USP10: variants seen among roughly 807,000 people sequenced by gnomAD.
The protein encoded by USP10 is ubiquitin specific peptidase 10.
In USP10, 22 loss-of-function variants were observed where a neutral mutation model predicts 84.5. The observed-to-expected ratio is 0.26, with a 90% CI of 0.19 to 0.37. The LOEUF (loss-of-function observed/expected upper bound fraction) is 0.37, where lower values mean the gene tolerates loss of function less well. Among genes scored for constraint, USP10 ranks in the 10% least tolerant of loss-of-function variants. USP10 has a pLI of 1.00. For missense variants in USP10, 1,019 were observed against 998.9 expected, an observed-to-expected ratio of 1.02 and a Z score of -0.27; for synonymous variants, 454 against 387.6, an observed-to-expected ratio of 1.17 and a Z score of -2.01.
At position 84,757,395 on chromosome 16, in the gene USP10, GGGT is replaced by G. The variant is rs201884056; in HGVS notation, c.1193-1318_1193-1316del. Among the ~76,000 whole-genome samples, 272 of 82,594 alleles carry G rather than the reference GGGT, an allele frequency of 3.3e-3. No homozygotes were observed. The East Asian group carries it at 0.034, about 10-fold the overall frequency. The allele number at this position is 82,594 out of a possible 152,430, so 54.2% of individuals were successfully genotyped here. A position where few individuals can be genotyped will look rare whatever the true frequency, so the allele number is the denominator to read the frequency against. On this transcript the variant is annotated intron_variant, in intron 4 of 13. Transcript: ENST00000219473. The stretch of plus-strand genomic sequence containing the variant: ...ATTCATAGGAAGGAGGGAATGAGAG[GGGT>G]GGGGGTGTGTGTGTGTGTGTGTGTG...
chr16:84,720,320 C>G (rs1284847628), intron 1 of USP10, among the ~76,000 whole-genome samples: 2 of 152,174 alleles, frequency 1.3e-5, no homozygotes, highest in Non-Finnish European at 2.9e-5. Context: ...AGTGAAAAAT[C>G]CTGTAGAACA....
At chr16:84,730,976 CTTTTTTTTTT>C (rs11401851) in intron 1 of USP10, among the ~76,000 whole-genome samples, 13 of 105,054 alleles carry the variant, frequency 1.2e-4, no homozygotes, top group African/African-American at 4.2e-4. Context: ...GCATTTCTAC[CTTTTTTTTTT>C]TTTTTTTTTT....
At chr16:84,737,411 C>G (rs1910076985) in intron 2 of USP10, among the ~76,000 whole-genome samples, 2 of 152,190 alleles carry the variant, frequency 1.3e-5, no homozygotes, top group African/African-American at 4.8e-5. Context: ...CATCCTGGCA[C>G]TTTTATTCTG....
rs759233603 is a variant in USP10, at chr16:84,760,195, G to A, written c.1474G>A (p.Asp492Asn). The change falls in exon 8 of 14, where the codon GAT (aspartate) becomes AAT (asparagine). Residue 492 changes from aspartate (D) to asparagine (N), a missense_variant. Physicochemically the swap from Asp to Asn is conservative, Grantham distance 23. Transcript: ENST00000219473. Reference sequence around the variant, plus strand: ...AGCTCTTGGAGATAAAATCGTGAGGGATATTCGCCCTGGAGCTGCCTTTGA... The same window carrying A: ...AGCTCTTGGAGATAAAATCGTGAGGAATATTCGCCCTGGAGCTGCCTTTGA... ...RQALGDKIVR[D>N]IRPGAAFEPT... The A allele has an allele frequency of 2.5e-6, 4 of 1,609,800 alleles. No individual in the cohort carries two copies. In the South Asian group the frequency reaches 4.4e-5, roughly 18 times the overall value.
chr16:84,713,176 A>G (rs560377725), intron 1 of USP10, among the ~76,000 whole-genome samples: 3 of 152,228 alleles, frequency 2.0e-5, no homozygotes, highest in South Asian at 4.2e-4. Flanking sequence ...ATCTCAGCCA[A>G]TGCCACCATT....
chr16:84,735,198 TGTGTGTG>T (rs1909751218), intron 2 of USP10, among the ~76,000 whole-genome samples: 1 of 28,226 alleles, frequency 3.5e-5, no homozygotes, highest in African/African-American at 1.3e-4. Flanking sequence ...GCCCGGGTGG[TGTGTGTG>T]TGTGTGTGTG....
At chr16:84,703,968 A>G (rs1439596144) in intron 1 of USP10, among the ~76,000 whole-genome samples, 1 of 152,224 alleles carries the variant, frequency 6.6e-6, no homozygotes, top group Non-Finnish European at 1.5e-5. Context: ...CGTGGAACTG[A>G]TAGGATTTAA....
intron 1 of USP10, among the ~76,000 whole-genome samples, chr16:84,720,805 A>G (rs994705730): frequency 6.7e-6 from 1 of 149,348 alleles, no homozygotes; most frequent in South Asian, 2.1e-4. Flanking sequence ...GATGGTCTCG[A>G]TCTCCTGACC....
chr16:84,730,489 TTAAG>T (rs1018797684), intron 1 of USP10, among the ~76,000 whole-genome samples: 52 of 152,194 alleles, frequency 3.4e-4, no homozygotes, highest in African/African-American at 1.2e-3. Context: ...TTAAAAATAA[TTAAG>T]TAAAACTAAT....
intron 10 of USP10, among the ~76,000 whole-genome samples, chr16:84,766,958 C>T (rs946599122): frequency 1.3e-5 from 2 of 152,072 alleles, no homozygotes; most frequent in Non-Finnish European, 1.5e-5. Context: ...CTTTCTTCCC[C>T]GGTGCCACCT....
chr16:84,768,128 T>C lies in USP10; in HGVS notation c.1833-65T>C, dbSNP rs1030388153. ...TATTTTCAGTGTTTATTCCCTTGGT[T>C]AATCTTAAGGGAAAGTGGCAAGGAG... On this transcript the variant is annotated intron_variant, in intron 10 of 13. Coordinates refer to ENST00000219473, the MANE Select transcript of USP10 (RefSeq NM_005153.3). 47 of 1,465,804 alleles carry C rather than the reference T, an allele frequency of 3.2e-5. No individual in the cohort carries two copies. In the African/African-American group the frequency reaches 5.9e-4, roughly 19 times the overall value. The allele number at this position is 1,465,804 out of a possible 1,614,324, so 90.8% of individuals were successfully genotyped here. A position where few individuals can be genotyped will look rare whatever the true frequency, so the allele number is the denominator to read the frequency against.
chr16:84,734,555 G>C (rs1909649322), intron 2 of USP10, among the ~76,000 whole-genome samples: 1 of 152,182 alleles, frequency 6.6e-6, no homozygotes, highest in Non-Finnish European at 1.5e-5. Flanking sequence ...AGGGCTTTAA[G>C]CTTCACATGT....
At chr16:84,732,963 T>C (rs1205721336) in intron 1 of USP10, 3 of 407,178 alleles carry the variant, frequency 7.4e-6, no homozygotes, top group African/African-American at 6.3e-5. Context: ...TATAGATATT[T>C]TTAAAGATCA....
Position 84,720,174 on chromosome 16 carries a change from A to G in USP10, c.22-13261A>G, listed in dbSNP as rs1230765526. Among the ~76,000 whole-genome samples the G allele has an allele frequency of 2.0e-5, 3 of 152,288 alleles. No homozygotes were observed. The East Asian group carries it at 5.8e-4, about 29-fold the overall frequency. On this transcript the variant is annotated intron_variant, in intron 1 of 13. Transcript: ENST00000219473. ...ACAGTGGCCAGCAAATCAGAGGAAA[A>G]TCATTTCTGTAGCTAGGTTCTTTTT... is the stretch of plus-strand genomic sequence containing the variant.
At chr16:84,731,283 CT>C (rs531027465) in intron 1 of USP10, among the ~76,000 whole-genome samples, 542 of 142,398 alleles carry the variant, frequency 3.8e-3, no homozygotes, top group East Asian at 9.5e-3. Flanking sequence ...CCGGCCTCTA[CT>C]TTTTTTTTTT....
intron 1 of USP10, among the ~76,000 whole-genome samples, chr16:84,714,893 A>G (rs2150768348): frequency 6.6e-6 from 1 of 151,060 alleles, no homozygotes; most frequent in African/African-American, 2.4e-5. Flanking sequence ...GAAATGTTTG[A>G]AAAATATTTA....
At chr16:84,774,655 A>G (rs1283414982) in intron 12 of USP10, among the ~76,000 whole-genome samples, 1 of 151,992 alleles carries the variant, frequency 6.6e-6, no homozygotes, top group Non-Finnish European at 1.5e-5. Flanking sequence ...TATTTTTAAT[A>G]GAGACGTGGT....
intron 1 of USP10, among the ~76,000 whole-genome samples, chr16:84,718,847 C>G (rs1275001638): frequency 6.6e-6 from 1 of 151,842 alleles, no homozygotes; most frequent in Non-Finnish European, 1.5e-5. Context: ...GGCTGGAGTG[C>G]AGTGGTGCAG....
chr16:84,763,559 CTG>C (rs1287625099), intron 9 of USP10, among the ~76,000 whole-genome samples: 1 of 152,226 alleles, frequency 6.6e-6, no homozygotes, highest in East Asian at 1.9e-4. Context: ...CCTTATCTAA[CTG>C]AGAAAAACAA....
Sources: gnomAD v4.1 joint callset for allele counts (sites outside exome capture counted in the v4.1 genomes callset) on GRCh38, gnomAD v4.1.1 for gene constraint, MANE v1.5 for transcripts, NCBI Gene and HGNC (gene_info 2026-07-23, HGNC 2026-07-21) for gene names.